Variants in SYN3 observed in about 807,000 individuals in gnomAD.
SYN3 encodes the protein synapsin-3.
In SYN3, 35 loss-of-function variants were observed where a neutral mutation model predicts 65.8. The observed-to-expected ratio is 0.53, with a 90% confidence interval of 0.41 to 0.70. SYN3 has a LOEUF of 0.70. Among genes scored for constraint, SYN3 ranks in the 30% least tolerant of loss-of-function variants. The pLI is 0.00. For synonymous variants in SYN3, 270 were observed against 292.9 expected (o/e 0.92, Z 0.80); for missense variants, 680 against 749.0 (o/e 0.91, Z 1.08).
intron 6 of SYN3, among the ~76,000 whole-genome samples, chr22:32,634,290 T>C (rs549460785): frequency 6.6e-6 from 1 of 152,232 alleles, no homozygotes; most frequent in East Asian, 1.9e-4. Context: ...CAGCAGGCAG[T>C]CTGGCACCAG....
chr22:32,520,101 A>G (rs943711338), intron 12 of SYN3, among the ~76,000 whole-genome samples: 1 of 152,128 alleles, frequency 6.6e-6, no homozygotes, highest in Admixed American at 6.6e-5. Flanking sequence ...AGGTGAACAT[A>G]ATTTTAATAG....
rs373014454 is a variant in SYN3 at position 33,043,323 on chromosome 22, G to A, written c.-163+14969C>T. On this transcript the variant is annotated intron_variant, in intron 1 of 13. Coordinates refer to ENST00000358763, the MANE Select transcript of SYN3 (RefSeq NM_003490.4). ...AGCAGTTTGGGAGGCCGAGGTGGGC[G>A]GATCACCTGAGGTCAGTAGTTCAAG... Among the ~76,000 whole-genome samples the A allele has an allele frequency of 7.5e-4, 114 of 151,806 alleles. No homozygotes were observed. The East Asian group carries it at 0.014, about 18-fold the overall frequency.
At chr22:32,750,767 T>C (rs1023768356) in intron 6 of SYN3, among the ~76,000 whole-genome samples, 3 of 151,892 alleles carry the variant, frequency 2.0e-5, no homozygotes, top group African/African-American at 7.3e-5. Context: ...ACGGATTTGA[T>C]TGGGTGTGAG....
chr22:32,719,181 C>G (rs148830960), intron 6 of SYN3, among the ~76,000 whole-genome samples: 199 of 152,296 alleles, frequency 1.3e-3, no homozygotes, highest in African/African-American at 4.6e-3. Flanking sequence ...TAAAATTACT[C>G]AATATGTCTA....
chr22:32,936,409 A>G (rs1455101023), intron 3 of SYN3, among the ~76,000 whole-genome samples: 1 of 152,214 alleles, frequency 6.6e-6, no homozygotes, highest in Admixed American at 6.5e-5. Flanking sequence ...TAAGGATACA[A>G]AGATTGAAGT....
Position 32,513,811 on chromosome 22 carries a change from G to C in SYN3, c.1624C>G (p.Leu542Val). The change falls in exon 14 of 14, where the codon CTG becomes GTG. Residue 542 changes from leucine to valine, a missense_variant. Coordinates refer to ENST00000358763, the MANE Select transcript of SYN3 (RefSeq NM_003490.4). ...PHPHLNKSQS[L>V]TNSLSTSDTS... ...TCGGATGTGCTGAGGCTGTTAGTCA[G>C]GGACTGAGATTTGCTGAAACAGAAA... The C allele has an allele frequency of 6.2e-7, 1 of 1,614,152 alleles. No homozygotes were observed. The highest frequency in any genetic ancestry group is 1.1e-5 in the South Asian group (1 of 91,072).
intron 1 of SYN3, among the ~76,000 whole-genome samples, chr22:33,044,920 AC>A (rs1569421524): frequency 6.7e-6 from 1 of 148,652 alleles, no homozygotes; most frequent in Non-Finnish European, 1.5e-5. Context: ...TCGGCTCACC[AC>A]AACCTCTGCC....
At chr22:32,715,366 A>T (rs1196200057) in intron 6 of SYN3, among the ~76,000 whole-genome samples, 1 of 152,206 alleles carries the variant, frequency 6.6e-6, no homozygotes, top group Non-Finnish European at 1.5e-5. Flanking sequence ...TTTGTCTCCT[A>T]ATACCTCTTG....
intron 1 of SYN3, among the ~76,000 whole-genome samples, chr22:33,012,513 A>G (rs528802165): frequency 1.3e-5 from 2 of 152,302 alleles, no homozygotes; most frequent in African/African-American, 4.8e-5. Context: ...TATTACTTAG[A>G]CTGCTTTCAA....
intron 6 of SYN3, among the ~76,000 whole-genome samples, chr22:32,826,429 AAAAT>A (rs566442496): frequency 1.3e-5 from 2 of 152,082 alleles, no homozygotes; most frequent in Admixed American, 6.5e-5. Context: ...CTCCGTCTCA[AAAAT>A]AAATAAATAA....
chr22:32,891,556 T>C (rs1374559472), intron 4 of SYN3, among the ~76,000 whole-genome samples: 3 of 152,160 alleles, frequency 2.0e-5, no homozygotes, highest in South Asian at 4.1e-4. Context: ...CAAATGATAA[T>C]AGTGGAAACC....
At chr22:32,550,522 C>T (rs1262865342) in intron 7 of SYN3, among the ~76,000 whole-genome samples, 2 of 151,450 alleles carry the variant, frequency 1.3e-5, no homozygotes, top group African/African-American at 2.4e-5. Flanking sequence ...AGTAATAATG[C>T]TATTAGGACC....
rs2046574093 is a variant in SYN3, at chr22:32,801,475, C to A, written c.711+63440G>T. ...GCGGCAAGCACCGGTCCCGGGCGCGCCCCAGCCCACCCACTCGCGTGCCCA... is the reference window on the plus strand; with the variant it reads ...GCGGCAAGCACCGGTCCCGGGCGCGACCCAGCCCACCCACTCGCGTGCCCA... On this transcript the variant is annotated intron_variant, in intron 6 of 13. Transcript: ENST00000358763. The surrounding 1 kb of genome is among the most constrained non-coding windows in gnomAD (Gnocchi z 4.7). Among the ~76,000 whole-genome samples, 1 of 152,204 alleles carries A rather than the reference C, an allele frequency of 6.6e-6. No homozygotes were observed. The highest frequency in any genetic ancestry group is 1.5e-5 in the Non-Finnish European group (1 of 68,036).
intron 7 of SYN3, among the ~76,000 whole-genome samples, chr22:32,571,469 A>G (rs1405999209): frequency 6.6e-6 from 1 of 152,108 alleles, no homozygotes; most frequent in African/African-American, 2.4e-5. Flanking sequence ...CACTCCATCT[A>G]TCATTTTGGC....
intron 6 of SYN3, among the ~76,000 whole-genome samples, chr22:32,787,089 C>A (rs1236841291): frequency 6.6e-6 from 1 of 150,768 alleles, no homozygotes; most frequent in African/African-American, 2.4e-5. Flanking sequence ...ACTCTGTTAC[C>A]CAGGCTAGAG....
At chr22:32,696,168 G>C (rs1049228756) in intron 6 of SYN3, among the ~76,000 whole-genome samples, 5 of 152,210 alleles carry the variant, frequency 3.3e-5, no homozygotes, top group Non-Finnish European at 5.9e-5. Flanking sequence ...CTTTTGAGGG[G>C]TCTTGGAGTA....
intron 6 of SYN3, among the ~76,000 whole-genome samples, chr22:32,745,705 C>T (rs571674453): frequency 4.6e-5 from 7 of 151,974 alleles, no homozygotes; most frequent in South Asian, 4.2e-4. Context: ...GAGAGAGAAA[C>T]GGACACGTAC....
chr22:33,022,186 T>C (rs1280225137), intron 1 of SYN3, among the ~76,000 whole-genome samples: 1 of 152,228 alleles, frequency 6.6e-6, no homozygotes, highest in African/African-American at 2.4e-5. Context: ...CCTTCCCTAT[T>C]AGGAATCAGT....
chr22:32,713,601 C>T (rs1280762586), intron 6 of SYN3, among the ~76,000 whole-genome samples: 6 of 152,204 alleles, frequency 3.9e-5, no homozygotes, highest in East Asian at 3.9e-4. Context: ...GAGGCCGAGG[C>T]GGGCGGATCA....
Sources: allele counts gnomAD v4.1 joint callset (sites outside exome capture counted in the v4.1 genomes callset), GRCh38; gene constraint gnomAD v4.1.1; non-coding constraint Gnocchi (gnomAD v3.1); transcripts MANE v1.5; gene names NCBI Gene and HGNC (gene_info 2026-07-23, HGNC 2026-07-21).